The following AMMECR1 variants were observed in gnomAD, a reference collection of about 807,000 sequenced individuals.
The protein encoded by AMMECR1 is nuclear protein AMMECR1.
In AMMECR1, 3 loss-of-function variants were observed where a neutral mutation model predicts 22.5. That is an observed-to-expected ratio of 0.13 (90% CI 0.06 to 0.35). AMMECR1 has a LOEUF of 0.35. Ranked by LOEUF, AMMECR1 falls within the 10% of genes least tolerant of loss-of-function variation. The pLI, the probability that AMMECR1 is intolerant of heterozygous loss-of-function variation, is 1.00. For synonymous variants in AMMECR1, 130 were observed against 116.7 expected (o/e 1.11, Z -0.74); for missense variants, 235 against 278.7 (o/e 0.84, Z 1.12).
At chrX:110,234,351 A>G (rs1014014468) in intron 2 of AMMECR1, among the ~76,000 whole-genome samples, 6 of 112,414 alleles carry the variant, frequency 5.3e-5, no homozygotes, top group Non-Finnish European at 1.1e-4. Context: ...ATGGAAGAAT[A>G]TTCTATGCTC....
intron 2 of AMMECR1, among the ~76,000 whole-genome samples, chrX:110,258,020 GA>G (rs902777296): frequency 2.5e-4 from 28 of 111,767 alleles, no homozygotes; most frequent in African/African-American, 7.8e-4. Context: ...CCCTGGTGCT[GA>G]AAAAGCCCAT....
intron 2 of AMMECR1, among the ~76,000 whole-genome samples, chrX:110,395,774 C>G (rs1056080001): frequency 9.0e-6 from 1 of 110,948 alleles, no homozygotes; most frequent in Non-Finnish European, 1.9e-5. Flanking sequence ...GATGGGGGAC[C>G]TACATGAGTT....
At chrX:110,412,690 G>A (rs1011192666) in intron 2 of AMMECR1, among the ~76,000 whole-genome samples, 18 of 112,465 alleles carry the variant, frequency 1.6e-4, no homozygotes, top group Admixed American at 6.5e-4. Flanking sequence ...TGACAATGAC[G>A]ATGTAGCCAC....
chrX:110,331,789 C>T (rs765276803), intron 2 of AMMECR1, among the ~76,000 whole-genome samples: 5 of 111,992 alleles, frequency 4.5e-5, no homozygotes, highest in African/African-American at 1.6e-4. Flanking sequence ...AGTTCTCTAG[C>T]GTTGTCTTTC....
upstream of AMMECR1, among the ~76,000 whole-genome samples, chrX:110,321,408 G>A (rs970656414): frequency 3.6e-5 from 4 of 110,169 alleles, no homozygotes; most frequent in African/African-American, 1.3e-4. Flanking sequence ...TTCAAATTGT[G>A]AGCATTTTTA....
Position 110,239,454 on chromosome X carries a change from T to A in AMMECR1, c.585-22822A>T, listed in dbSNP as rs747298599. On this transcript the variant is annotated intron_variant, in intron 2 of 5. Transcript: ENST00000262844. Reference sequence around the variant, plus strand: ...AAGTAGAAGAAAGGATATCAGAGATTAAAGAACAACTTAATGAAGTAAAGC... The same window carrying A: ...AAGTAGAAGAAAGGATATCAGAGATAAAAGAACAACTTAATGAAGTAAAGC... Among the ~76,000 whole-genome samples, 18 of 110,934 alleles carry A rather than the reference T, an allele frequency of 1.6e-4. No homozygotes were observed. In the East Asian group the frequency reaches 4.5e-3, roughly 28 times the overall value.
chrX:110,313,453 C>T (rs1196622529), intron 1 of AMMECR1, among the ~76,000 whole-genome samples: 1 of 111,768 alleles, frequency 8.9e-6, no homozygotes, highest in Admixed American at 9.5e-5. Context: ...AATCCCAGTG[C>T]CTTAGCAGAA....
intron 2 of AMMECR1, among the ~76,000 whole-genome samples, chrX:110,405,183 T>C (rs947432517): frequency 1.0e-4 from 11 of 108,067 alleles, no homozygotes; most frequent in Admixed American, 4.1e-4. Flanking sequence ...ATACAGGTCA[T>C]TCTTTTTAAA....
chrX:110,207,415 G>A (rs901530061), intron 3 of AMMECR1, among the ~76,000 whole-genome samples: 2 of 111,116 alleles, frequency 1.8e-5, no homozygotes, highest in Non-Finnish European at 3.8e-5. Flanking sequence ...AAAATACTTC[G>A]AACTTAGGCC....
At chrX:110,245,532 T>G (rs773193993) in intron 2 of AMMECR1, among the ~76,000 whole-genome samples, 2 of 110,566 alleles carry the variant, frequency 1.8e-5, no homozygotes, top group Non-Finnish European at 3.8e-5. Flanking sequence ...GGAGCAAATA[T>G]TCCCACAGTT....
intron 1 of AMMECR1, 112 bp downstream of exon 1, chrX:110,317,487 G>A: frequency 9.4e-7 from 1 of 1,064,220 alleles, no homozygotes; most frequent in Non-Finnish European, 1.2e-6. Context: ...GGGGACCCGG[G>A]CAGCGAGAGG....
intron 2 of AMMECR1, among the ~76,000 whole-genome samples, chrX:110,326,368 C>T (rs748041343): frequency 8.9e-6 from 1 of 112,049 alleles, no homozygotes; most frequent in South Asian, 3.7e-4. Flanking sequence ...ACTTTTTGGC[C>T]TATTAGTTAT....
chrX:110,202,363 C>T, intron 4 of AMMECR1, 83 bp downstream of exon 4: 1 of 737,092 alleles, frequency 1.4e-6, no homozygotes, highest in Non-Finnish European at 2.1e-6. Flanking sequence ...TTAGACATAA[C>T]TGCAAGGTCA....
chrX:110,292,752 T>C (rs1201685002), intron 1 of AMMECR1, among the ~76,000 whole-genome samples: 1 of 112,146 alleles, frequency 8.9e-6, no homozygotes, highest in African/African-American at 3.2e-5. Context: ...GAAAATTCTA[T>C]GATACTATAC....
At chrX:110,257,324 T>C (rs2067715946) in intron 2 of AMMECR1, among the ~76,000 whole-genome samples, 1 of 111,992 alleles carries the variant, frequency 8.9e-6, no homozygotes, top group Non-Finnish European at 1.9e-5. Context: ...AAGTGAAATC[T>C]AAACTATAAC....
chrX:110,200,748 G>A (rs2067393072), intron 5 of AMMECR1, among the ~76,000 whole-genome samples: 1 of 112,250 alleles, frequency 8.9e-6, no homozygotes, highest in South Asian at 3.7e-4. Context: ...CAGAGCTAAA[G>A]ATGGGAAAGA....
intron 1 of AMMECR1, among the ~76,000 whole-genome samples, chrX:110,299,476 C>A (rs1175009846): frequency 8.9e-6 from 1 of 111,948 alleles, no homozygotes; most frequent in African/African-American, 3.2e-5. Flanking sequence ...AGAAAAGACA[C>A]ATCAAGCATT....
intron 3 of AMMECR1, among the ~76,000 whole-genome samples, chrX:110,212,839 G>A (rs2067454157): frequency 9.0e-6 from 1 of 111,521 alleles, no homozygotes; most frequent in African/African-American, 3.2e-5. Flanking sequence ...GATCTGTTAT[G>A]TAACCAAATA....
At chrX:110,395,618 G>T (rs1246682481) in intron 2 of AMMECR1, among the ~76,000 whole-genome samples, 1 of 112,271 alleles carries the variant, frequency 8.9e-6, no homozygotes, top group Non-Finnish European at 1.9e-5. Flanking sequence ...TCTAACTTTT[G>T]AGACAACCTT....
Sources: gnomAD v4.1 joint callset for allele counts (sites outside exome capture counted in the v4.1 genomes callset) on GRCh38, gnomAD v4.1.1 for gene constraint, MANE v1.5 for transcripts, NCBI Gene and HGNC (gene_info 2026-07-23, HGNC 2026-07-21) for gene names.